Variants in GPHN observed in about 807,000 individuals in gnomAD.
The protein encoded by GPHN is gephyrin.
GPHN carries 17 observed loss-of-function variants against 95.5 expected under a neutral mutation model. That is an observed-to-expected ratio of 0.18 (90% CI 0.12 to 0.27). The LOEUF (loss-of-function observed/expected upper bound fraction) is 0.27. Ranked by LOEUF, GPHN falls within the 10% of genes least tolerant of loss-of-function variation. The probability of loss-of-function intolerance (pLI) is 1.00; values close to 1 mark genes in which losing one functional copy is unlikely to be tolerated. For synonymous variants in GPHN, 320 were observed against 322.5 expected (o/e 0.99, Z 0.08); for missense variants, 660 against 978.1 (o/e 0.67, Z 4.34).
At chr14:67,509,991 CAG>C in the GPHN span, among the ~76,000 whole-genome samples, 3 of 151,092 alleles carry the variant, frequency 2.0e-5, no homozygotes, top group Non-Finnish European at 4.4e-5. Flanking sequence ...GCCTGAGCAA[CAG>C]AGAGAGAACC....
At chr14:66,976,280 C>T (rs2070214351) in intron 9 of GPHN, among the ~76,000 whole-genome samples, 1 of 152,108 alleles carries the variant, frequency 6.6e-6, no homozygotes. Context: ...TGTTGAAATA[C>T]AAGAAATTGT....
the GPHN span, among the ~76,000 whole-genome samples, chr14:67,492,596 C>T: frequency 6.6e-6 from 1 of 152,208 alleles, no homozygotes; most frequent in Non-Finnish European, 1.5e-5. Flanking sequence ...CCCTTTGTTG[C>T]CTCACCAGGG....
the GPHN span, among the ~76,000 whole-genome samples, chr14:67,526,643 T>C: frequency 6.6e-6 from 1 of 152,170 alleles, no homozygotes; most frequent in East Asian, 1.9e-4. Context: ...TCACCACATT[T>C]AGAGGTGACC....
intron 9 of GPHN, among the ~76,000 whole-genome samples, chr14:66,978,019 T>TA (rs1175324461): frequency 6.6e-6 from 1 of 152,240 alleles, no homozygotes; most frequent in East Asian, 1.9e-4. Context: ...CCAGTACCTG[T>TA]AAAAATTATG....
At chr14:66,708,278 T>G (rs564056893) in intron 2 of GPHN, among the ~76,000 whole-genome samples, 2 of 152,118 alleles carry the variant, frequency 1.3e-5, no homozygotes, top group Non-Finnish European at 2.9e-5. Context: ...CTTACATCCT[T>G]CTTTGCCTTC....
chr14:67,645,135 T>C, the GPHN span, among the ~76,000 whole-genome samples: 2 of 152,198 alleles, frequency 1.3e-5, no homozygotes, highest in Admixed American at 6.5e-5. Context: ...TTACAGATTT[T>C]GGTGAGTCGT....
chr14:66,753,250 A>G (rs2058437964), intron 2 of GPHN, among the ~76,000 whole-genome samples: 1 of 152,078 alleles, frequency 6.6e-6, no homozygotes, highest in Non-Finnish European at 1.5e-5. Flanking sequence ...TACATCCACC[A>G]TGCAATAAGA....
At chr14:66,659,462 A>C (rs2065506647) in intron 1 of GPHN, among the ~76,000 whole-genome samples, 1 of 151,974 alleles carries the variant, frequency 6.6e-6, no homozygotes, top group Non-Finnish European at 1.5e-5. Flanking sequence ...GATACTGTTG[A>C]GTTCTTCTGT....
At chr14:66,924,885 G>T (rs997963534) in intron 8 of GPHN, among the ~76,000 whole-genome samples, 13 of 151,600 alleles carry the variant, frequency 8.6e-5, no homozygotes, top group Non-Finnish European at 2.9e-5. Context: ...ATGCCAGGTT[G>T]TAAAAGATTA....
the GPHN span, chr14:67,656,326 G>T: frequency 8.1e-7 from 1 of 1,228,090 alleles, no homozygotes; most frequent in Non-Finnish European, 1.1e-6. Flanking sequence ...ATACAGAACT[G>T]CTGTAGCTTT....
intron 2 of GPHN, among the ~76,000 whole-genome samples, chr14:66,689,502 G>A (rs949444488): frequency 1.3e-5 from 2 of 152,132 alleles, no homozygotes; most frequent in Non-Finnish European, 2.9e-5. Flanking sequence ...AGGGATGTTG[G>A]TCTGTAGTTT....
At chr14:66,676,973 T>C (rs1411632350) in intron 1 of GPHN, among the ~76,000 whole-genome samples, 1 of 152,094 alleles carries the variant, frequency 6.6e-6, no homozygotes, top group East Asian at 1.9e-4. Context: ...TTACTCATTA[T>C]TGATCTGCTC....
the GPHN span, among the ~76,000 whole-genome samples, chr14:67,640,451 A>G: frequency 6.6e-6 from 1 of 152,176 alleles, no homozygotes; most frequent in Non-Finnish European, 1.5e-5. Flanking sequence ...GGTTGGCCTC[A>G]TGGCTTTTTG....
intron 1 of GPHN, among the ~76,000 whole-genome samples, chr14:66,624,034 C>T (rs1173611041): frequency 6.6e-6 from 1 of 152,174 alleles, no homozygotes; most frequent in Non-Finnish European, 1.5e-5. Context: ...CAGTGCTCCT[C>T]ATGTCCTTAT....
the GPHN span, among the ~76,000 whole-genome samples, chr14:67,285,882 T>C: frequency 6.6e-6 from 1 of 152,134 alleles, no homozygotes; most frequent in East Asian, 1.9e-4. Context: ...TGTGGACCCA[T>C]GTGTATGTTT....
the GPHN span, among the ~76,000 whole-genome samples, chr14:67,645,389 T>G: frequency 6.6e-6 from 1 of 152,096 alleles, no homozygotes; most frequent in African/African-American, 2.4e-5. Flanking sequence ...TTATACGGAT[T>G]TGGGGACAGG....
At chr14:67,225,455 C>T in the GPHN span, among the ~76,000 whole-genome samples, 1 of 152,166 alleles carries the variant, frequency 6.6e-6, no homozygotes, top group African/African-American at 2.4e-5. Context: ...CAAAAGATAA[C>T]ATCAGCACAG....
At chr14:67,323,261 G>GTGTGTGTATATATATA in the GPHN span, among the ~76,000 whole-genome samples, 498 of 124,168 alleles carry the variant, frequency 4.0e-3, 3 homozygotes, top group Non-Finnish European at 7.7e-3. Flanking sequence ...GTGTGTGTGT[G>GTGTGTGTATATATATA]TATATATATA....
At chr14:66,847,447 A>T (rs1242462012) in intron 4 of GPHN, among the ~76,000 whole-genome samples, 1 of 151,998 alleles carries the variant, frequency 6.6e-6, no homozygotes, top group Non-Finnish European at 1.5e-5. Flanking sequence ...ATGATCTCTG[A>T]ACTCCTATTT....
Sources: allele counts gnomAD v4.1 joint callset (sites outside exome capture counted in the v4.1 genomes callset), GRCh38; gene constraint gnomAD v4.1.1; transcripts MANE v1.5; gene names NCBI Gene and HGNC (gene_info 2026-07-23, HGNC 2026-07-21).